The following UNC79 variants were observed in gnomAD, a reference collection of about 807,000 sequenced individuals.
UNC79 encodes the protein unc-79 subunit of NALCN channel complex.
A neutral mutation model predicts 283.1 loss-of-function variants in UNC79; 37 were observed. That is an observed-to-expected ratio of 0.13 (90% CI 0.10 to 0.17). The LOEUF is 0.17. Ranked by LOEUF, UNC79 falls within the 10% of genes least tolerant of loss-of-function variation. The pLI is 1.00. For synonymous variants in UNC79, 1,107 were observed against 1,200.2 expected (o/e 0.92, Z 1.61); for missense variants, 2,272 against 3,211.1 (o/e 0.71, Z 7.07).
intron 14 of UNC79, among the ~76,000 whole-genome samples, chr14:93,552,695 A>G (rs916164797): frequency 2.6e-5 from 4 of 151,646 alleles, no homozygotes; most frequent in African/African-American, 9.8e-5. Flanking sequence ...TATTTGCCAT[A>G]TAAACTTTTT....
chr14:93,342,725 T>C (rs2053739734), intron 1 of UNC79, among the ~76,000 whole-genome samples: 1 of 152,248 alleles, frequency 6.6e-6, no homozygotes, highest in Non-Finnish European at 1.5e-5. Flanking sequence ...TATGACTGTA[T>C]GCTTTCAGAA....
intron 1 of UNC79, among the ~76,000 whole-genome samples, chr14:93,431,400 A>C (rs1312188023): frequency 2.0e-5 from 3 of 150,858 alleles, no homozygotes; most frequent in African/African-American, 7.3e-5. Context: ...GGAGTGGGGG[A>C]AGGGGGGTAG....
chr14:93,357,799 GGATATATGGATATA>G, intron 1 of UNC79, among the ~76,000 whole-genome samples: 1 of 108,280 alleles, frequency 9.2e-6, no homozygotes, highest in Non-Finnish European at 1.9e-5. Context: ...ATATATATAT[GGATATATGGATATA>G]TATATATGGA....
chr14:93,556,826 ACT>A (rs2062204784), intron 14 of UNC79, among the ~76,000 whole-genome samples: 1 of 152,126 alleles, frequency 6.6e-6, no homozygotes, highest in Non-Finnish European at 1.5e-5. Context: ...TTTAAAAAAA[ACT>A]CTTTTAAATC....
Position 93,621,497 on chromosome 14 carries a change from G to A in UNC79, c.4388-124G>A, listed in dbSNP as rs773618637. The A allele has an allele frequency of 1.1e-5, 14 of 1,257,040 alleles. No homozygotes were observed. The highest frequency in any genetic ancestry group is 2.9e-4 in the Middle Eastern group (1 of 3,498). The allele number at this position is 1,257,040 out of a possible 1,614,324, so 77.9% of individuals were successfully genotyped here. ...TTACAAAAACTTGGCCAGAAAGTTC[G>A]TTTTCCCTCCTGGTGGAGCTGGGAT... On this transcript the variant is annotated intron_variant, in intron 29 of 48. Coordinates refer to ENST00000555664, the Ensembl canonical transcript of UNC79. This position sits in a 1 kb window ranked among gnomAD's most constrained non-coding sequence, Gnocchi z 4.8.
chr14:93,473,902 A>G (rs557998104), intron 2 of UNC79, among the ~76,000 whole-genome samples, 187 bp from the exon 3 acceptor site: 15 of 152,238 alleles, frequency 9.9e-5, no homozygotes, highest in South Asian at 4.1e-4. Context: ...TAAACCTTGT[A>G]TTATTGGTAC....
intron 26 of UNC79, among the ~76,000 whole-genome samples, chr14:93,609,916 A>T (rs544452127): frequency 2.7e-4 from 41 of 152,138 alleles, no homozygotes; most frequent in Non-Finnish European, 4.9e-4. Flanking sequence ...GGAGATTAAC[A>T]TTTTTTTATG....
At chr14:93,406,050 T>C (rs944955238) in intron 1 of UNC79, among the ~76,000 whole-genome samples, 2 of 152,216 alleles carry the variant, frequency 1.3e-5, no homozygotes, top group African/African-American at 4.8e-5. Context: ...TACCAAGGAA[T>C]AGTTAATCCC....
chr14:93,551,805 C>G (rs1210126419), intron 14 of UNC79, among the ~76,000 whole-genome samples: 3 of 152,166 alleles, frequency 2.0e-5, no homozygotes, highest in Non-Finnish European at 4.4e-5. Context: ...TCATTCCCCT[C>G]TGAGATATTT....
intron 22 of UNC79, among the ~76,000 whole-genome samples, chr14:93,589,917 C>T (rs1254845861): frequency 1.3e-5 from 2 of 152,090 alleles, no homozygotes; most frequent in Non-Finnish European, 2.9e-5. Flanking sequence ...AAATATTAGC[C>T]AAGTATGGTG....
intron 14 of UNC79, among the ~76,000 whole-genome samples, chr14:93,561,215 A>G (rs1425663934): frequency 6.6e-6 from 1 of 152,196 alleles, no homozygotes; most frequent in African/African-American, 2.4e-5. Flanking sequence ...AAGAAGGGGA[A>G]TTCCAGTGGG....
chr14:93,405,527 A>G (rs2055208927), intron 1 of UNC79, among the ~76,000 whole-genome samples: 1 of 152,192 alleles, frequency 6.6e-6, no homozygotes, highest in African/African-American at 2.4e-5. Context: ...ACAAACAAAG[A>G]ATATAAATGC....
intron 17 of UNC79, among the ~76,000 whole-genome samples, chr14:93,576,659 G>A (rs2063493408): frequency 6.6e-6 from 1 of 152,164 alleles, no homozygotes; most frequent in Non-Finnish European, 1.5e-5. Context: ...TACACTCCCA[G>A]GGCTGAAGGA....
At chr14:93,673,802 G>T (rs1187149003) in intron 41 of UNC79, among the ~76,000 whole-genome samples, 1 of 152,126 alleles carries the variant, frequency 6.6e-6, no homozygotes, top group Admixed American at 6.5e-5. Context: ...GGCCAGAAGT[G>T]GGGGAACAGG....
At chr14:93,432,919 G>A (rs755515827) in intron 1 of UNC79, among the ~76,000 whole-genome samples, 37 of 152,152 alleles carry the variant, frequency 2.4e-4, no homozygotes, top group Non-Finnish European at 4.9e-4. Context: ...ATTTTGAAAT[G>A]GACTGGATGC....
chr14:93,456,333 G>T (rs190285400), intron 1 of UNC79, among the ~76,000 whole-genome samples: 3 of 152,102 alleles, frequency 2.0e-5, no homozygotes, highest in Non-Finnish European at 4.4e-5. Flanking sequence ...TGAAAATATT[G>T]ATAAGTAAAA....
intron 35 of UNC79, among the ~76,000 whole-genome samples, chr14:93,650,862 C>G (rs1398090754): frequency 6.6e-6 from 1 of 152,144 alleles, no homozygotes; most frequent in African/African-American, 2.4e-5. Flanking sequence ...TTGTTTACTT[C>G]CAAGTCATGC....
At chr14:93,671,354 AAG>A (rs1439763760) in intron 40 of UNC79, among the ~76,000 whole-genome samples, 1 of 152,206 alleles carries the variant, frequency 6.6e-6, no homozygotes, top group Non-Finnish European at 1.5e-5. Flanking sequence ...GAAGAAAGAA[AAG>A]AGAGCACTGT....
chr14:93,389,152 G>A (rs1018312358), intron 1 of UNC79, among the ~76,000 whole-genome samples: 3 of 152,142 alleles, frequency 2.0e-5, no homozygotes, highest in African/African-American at 7.2e-5. Context: ...ACATAAAATG[G>A]GGGTTAGGAT....
Sources: allele counts gnomAD v4.1 joint callset (sites outside exome capture counted in the v4.1 genomes callset), GRCh38; gene constraint gnomAD v4.1.1; non-coding constraint Gnocchi (gnomAD v3.1); transcripts MANE v1.5; gene names NCBI Gene and HGNC (gene_info 2026-07-23, HGNC 2026-07-21).